ARMC2: variants seen among roughly 807,000 people sequenced by gnomAD.
The protein encoded by ARMC2 is armadillo repeat-containing protein 2.
In ARMC2, 67 loss-of-function variants were observed where a neutral mutation model predicts 90.3. The observed-to-expected ratio is 0.74, with a 90% CI of 0.61 to 0.91. The LOEUF (loss-of-function observed/expected upper bound fraction) is 0.91, where lower values mean the gene tolerates loss of function less well. Among genes scored for constraint, ARMC2 ranks in the 40% least tolerant of loss-of-function variants. The pLI is 0.00. For synonymous variants in ARMC2, 393 were observed against 393.0 expected (o/e 1.00, Z 0.00); for missense variants, 920 against 1,030.9 (o/e 0.89, Z 1.47).
the ARMC2 span, among the ~76,000 whole-genome samples, chr6:109,033,849 TC>T: frequency 6.6e-6 from 1 of 152,234 alleles, no homozygotes; most frequent in Non-Finnish European, 1.5e-5. Context: ...CATAATTGAT[TC>T]CAGCCATGTT....
chr6:108,945,182 C>T (rs1776718716), intron 12 of ARMC2, among the ~76,000 whole-genome samples: 2 of 151,938 alleles, frequency 1.3e-5, no homozygotes, highest in Non-Finnish European at 2.9e-5. Flanking sequence ...GGCTTAATAA[C>T]GAAGGAGGGA....
Position 108,948,055 on chromosome 6 carries a change from G to T in ARMC2, c.1597-4978G>T, listed in dbSNP as rs114006195. 7.2e-3 allele frequency among the ~76,000 whole-genome samples: 1,090 copies of T among 152,308 alleles called. 22 individuals carry two copies. Among genetic ancestry groups the T allele is most frequent in the African/African-American group, 0.025 (1,056 of 41,564 alleles). ...AATCCTTTTCCGCTGTGGAATTGGT[G>T]CTCTCTCTAAATAGATGATTTTGGC... On this transcript the variant is annotated intron_variant, in intron 12 of 17. Coordinates refer to ENST00000392644, the MANE Select transcript of ARMC2 (RefSeq NM_032131.6).
chr6:109,016,493 AG>A, the ARMC2 span, among the ~76,000 whole-genome samples: 8 of 152,144 alleles, frequency 5.3e-5, no homozygotes, highest in Non-Finnish European at 8.8e-5. Flanking sequence ...ATTAAGTTGT[AG>A]ATTCTTAACC....
chr6:108,952,471 C>A (rs918237601), intron 12 of ARMC2, among the ~76,000 whole-genome samples: 1 of 150,570 alleles, frequency 6.6e-6, no homozygotes, highest in African/African-American at 2.4e-5. Context: ...CCACAGGGGG[C>A]AATTTTGGCT....
chr6:108,988,725 T>C, the ARMC2 span: 1 of 1,505,802 alleles, frequency 6.6e-7, no homozygotes, highest in African/African-American at 1.4e-5. Context: ...ATATTTTCAG[T>C]GTATAACCTG....
At chr6:109,028,827 T>C in the ARMC2 span, among the ~76,000 whole-genome samples, 1 of 152,020 alleles carries the variant, frequency 6.6e-6, no homozygotes, top group African/African-American at 2.4e-5. Flanking sequence ...CCTCCTAGTA[T>C]CAGAAAAGAA....
intron 8 of ARMC2, among the ~76,000 whole-genome samples, chr6:108,905,973 G>T (rs752803697): frequency 1.1e-4 from 16 of 152,058 alleles, no homozygotes; most frequent in Non-Finnish European, 2.2e-4. Context: ...TTGGTGATGC[G>T]GTTCTATGTA....
chr6:108,990,529 T>C, the ARMC2 span: 28 of 895,460 alleles, frequency 3.1e-5, no homozygotes, highest in Middle Eastern at 5.0e-4. Flanking sequence ...AAATAAGTTA[T>C]TGGGGAGGGG....
the ARMC2 span, among the ~76,000 whole-genome samples, chr6:109,025,096 T>C: frequency 6.6e-6 from 1 of 151,400 alleles, no homozygotes; most frequent in African/African-American, 2.4e-5. Flanking sequence ...AATTGGGAGG[T>C]AGATCAGAGA....
rs1376693110 is a variant in ARMC2, at chr6:108,894,559, A to C, written c.748+16A>C. On this transcript the variant is annotated intron_variant, in intron 6 of 17. Coordinates refer to ENST00000392644, the MANE Select transcript of ARMC2 (RefSeq NM_032131.6). ...ACCAAAGCAGGTGAGGGGTCCCCAC[A>C]CTCCTTCATCTACAGCATCTCCACT... 4 of 1,584,576 alleles carry C rather than the reference A, an allele frequency of 2.5e-6. No individual in the cohort carries two copies. Among genetic ancestry groups the C allele is most frequent in the Non-Finnish European group, 3.4e-6 (4 of 1,168,230 alleles).
chr6:108,963,006 T>TA lies in ARMC2; in HGVS notation c.2152+887dup, dbSNP rs1008177277. On this transcript the variant is annotated intron_variant, in intron 15 of 17. Coordinates refer to ENST00000392644, the MANE Select transcript of ARMC2 (RefSeq NM_032131.6). ...AGAGCGACACTCTATCTCTAAAAAA[T>TA]AAAAAAAATTTAAAAATTAAAAAAG... 6.1e-4 allele frequency among the ~76,000 whole-genome samples: 92 copies of TA among 151,700 alleles called. 1 individual carries two copies. Among genetic ancestry groups the TA allele is most frequent in the African/African-American group, 2.0e-3 (81 of 41,366 alleles).
At chr6:108,955,922 T>G (rs974623681) in intron 13 of ARMC2, among the ~76,000 whole-genome samples, 2 of 152,188 alleles carry the variant, frequency 1.3e-5, no homozygotes, top group African/African-American at 4.8e-5. Context: ...TAAAATACCC[T>G]TTTTGGTTTC....
At chr6:108,991,036 C>T in the ARMC2 span, among the ~76,000 whole-genome samples, 14,109 of 150,426 alleles carry the variant, frequency 0.094, 830 homozygotes, top group South Asian at 0.18. Context: ...TTTTATAACT[C>T]AGTGAGTTTA....
chr6:108,982,318 G>A, the ARMC2 span, among the ~76,000 whole-genome samples: 7 of 152,162 alleles, frequency 4.6e-5, no homozygotes, highest in African/African-American at 1.7e-4. Flanking sequence ...GCAGAGGGCT[G>A]CCTTTTTGCT....
At chr6:109,019,782 T>C in the ARMC2 span, among the ~76,000 whole-genome samples, 3 of 152,354 alleles carry the variant, frequency 2.0e-5, no homozygotes, top group African/African-American at 7.2e-5. Flanking sequence ...GGTTTTAAAA[T>C]AATGCATTTG....
chr6:109,005,639 G>C, the ARMC2 span, among the ~76,000 whole-genome samples: 289 of 152,262 alleles, frequency 1.9e-3, 1 homozygote, highest in African/African-American at 6.6e-3. Flanking sequence ...AGGGTTCTAT[G>C]TAATTCTTGT....
At position 108,973,435 on chromosome 6, in the gene ARMC2, A is replaced by G; in HGVS notation, c.2525A>G (p.Lys842Arg). The G allele has an allele frequency of 6.2e-7, 1 of 1,613,954 alleles. No individual in the cohort carries two copies. Among genetic ancestry groups the G allele is most frequent in the Non-Finnish European group, 8.5e-7 (1 of 1,179,828 alleles). Residue 842 changes from lysine (K) to arginine (R), a missense_variant, in exon 18 of 18, where the codon AAA (lysine) becomes AGA (arginine). Physicochemically the swap from Lys to Arg is conservative, Grantham distance 26 (BLOSUM62 2). Coordinates refer to ENST00000392644, the MANE Select transcript of ARMC2 (RefSeq NM_032131.6). The part of the protein sequence containing the change: ...YHKLHWETEF[K>R]PVAQQLLNRI... ...AAACTCCATTGGGAAACAGAATTCA[A>G]ACCTGTGGCACAGCAGCTTCTAAAC...
At chr6:108,922,102 A>G (rs1435471732) in intron 10 of ARMC2, among the ~76,000 whole-genome samples, 1 of 152,210 alleles carries the variant, frequency 6.6e-6, no homozygotes, top group Non-Finnish European at 1.5e-5. Context: ...GAGGAAGGGC[A>G]CAGAGGGAAA....
Position 108,854,383 on chromosome 6 carries a change from C to T in ARMC2, c.116C>T (p.Thr39Ile). 1 of 1,613,198 alleles carries T rather than the reference C, an allele frequency of 6.2e-7. No individual in the cohort carries two copies. The highest frequency in any genetic ancestry group is 1.3e-5 in the African/African-American group (1 of 74,778). The change falls in exon 2 of 18, where the codon ACA becomes ATA. Residue 39 changes from threonine to isoleucine, a missense_variant. By Grantham distance (89) the Thr-to-Ile change is moderately conservative. Coordinates refer to ENST00000392644, the MANE Select transcript of ARMC2 (RefSeq NM_032131.6). ...AGTGAAGCAAGAAATGCATTAAGAA[C>T]AGTTAGAACCCAAAGACCATTTACA... ...IISEARNALR[T>I]VRTQRPFTPQ...
Sources: gnomAD v4.1 joint callset for allele counts (sites outside exome capture counted in the v4.1 genomes callset) on GRCh38, gnomAD v4.1.1 for gene constraint, MANE v1.5 for transcripts, NCBI Gene and HGNC (gene_info 2026-07-23, HGNC 2026-07-21) for gene names.